The following EBF2 variants were observed in gnomAD, a reference collection of about 807,000 sequenced individuals.
EBF2 encodes the protein EBF transcription factor 2, also known as transcription factor COE2.
A neutral mutation model predicts 72.8 loss-of-function variants in EBF2; 21 were observed. The observed-to-expected ratio is 0.29, with a 90% CI of 0.20 to 0.42. EBF2 has a LOEUF of 0.42. EBF2 is among the 10% of genes least tolerant of loss of function. The pLI is 1.00. For missense variants in EBF2, 637 were observed against 731.2 expected (o/e 0.87, Z 1.49); for synonymous variants, 299 against 274.2 (o/e 1.09, Z -0.89).
At chr8:25,855,089 C>G (rs1166703523) in intron 14 of EBF2, among the ~76,000 whole-genome samples, 2 of 152,208 alleles carry the variant, frequency 1.3e-5, no homozygotes, top group Admixed American at 1.3e-4. Flanking sequence ...ACATCTATCT[C>G]TCTATGGATA....
chr8:26,014,359 T>G (rs974191786), intron 6 of EBF2, among the ~76,000 whole-genome samples: 5 of 147,360 alleles, frequency 3.4e-5, no homozygotes, highest in South Asian at 2.1e-4. Flanking sequence ...ACTTTTATTA[T>G]TAGTAGTAGT....
At chr8:25,886,443 ACTGT>A (rs1452852129) in intron 10 of EBF2, among the ~76,000 whole-genome samples, 3 of 152,236 alleles carry the variant, frequency 2.0e-5, no homozygotes, top group African/African-American at 7.2e-5. Flanking sequence ...ACAGCCAATA[ACTGT>A]CTATTTTTTA....
rs58044762 is a variant in EBF2 at position 25,866,443 on chromosome 8, A to AATAT, written c.1010-3650_1010-3647dup. Among the ~76,000 whole-genome samples, 12 of 140,120 alleles carry AATAT rather than the reference A, an allele frequency of 8.6e-5. No homozygotes were observed. In the East Asian group the frequency reaches 1.2e-3, roughly 14 times the overall value. 91.9% of individuals were successfully genotyped at this position (140,120 alleles called of 152,430 possible). ...GGCCAGATTTTTTATTTATATATATAATATATATATATATATAATATATAG... is the reference window on the plus strand; with the variant it reads ...GGCCAGATTTTTTATTTATATATATAATATATATATATATATATATAATATATAG... On this transcript the variant is annotated intron_variant, in intron 10 of 15. Transcript: ENST00000520164.
rs2046457 is a variant in EBF2 at position 25,952,585 on chromosome 8, G to A, written c.552-44030C>T. On this transcript the variant is annotated intron_variant, in intron 6 of 15. Coordinates refer to ENST00000520164, the MANE Select transcript of EBF2 (RefSeq NM_022659.4). ...GCTATTACAAATCACTTCACCTTCTGGCTCATGCCCAACCTGCCCTGCTCA... is the reference window on the plus strand; with the variant it reads ...GCTATTACAAATCACTTCACCTTCTAGCTCATGCCCAACCTGCCCTGCTCA... 4.0e-3 allele frequency among the ~76,000 whole-genome samples: 615 copies of A among 152,096 alleles called. 4 individuals carry two copies. Among genetic ancestry groups the A allele is most frequent in the African/African-American group, 0.014 (595 of 41,470 alleles).
At chr8:25,924,198 A>G (rs1359151678) in intron 6 of EBF2, among the ~76,000 whole-genome samples, 1 of 152,222 alleles carries the variant, frequency 6.6e-6, no homozygotes, top group East Asian at 1.9e-4. Flanking sequence ...AAAATTGGGT[A>G]ATGCCTCTGA....
chr8:25,931,153 C>G (rs1018061354), intron 6 of EBF2, among the ~76,000 whole-genome samples: 11 of 152,132 alleles, frequency 7.2e-5, no homozygotes, highest in African/African-American at 2.7e-4. Flanking sequence ...GAACACTGGA[C>G]TGAAGGGGCA....
At chr8:25,983,195 C>A (rs1804391720) in intron 6 of EBF2, among the ~76,000 whole-genome samples, 1 of 152,056 alleles carries the variant, frequency 6.6e-6, no homozygotes, top group Non-Finnish European at 1.5e-5. Context: ...TATCTACCCA[C>A]CCAATGGAAT....
intron 6 of EBF2, among the ~76,000 whole-genome samples, chr8:25,986,241 A>G (rs775503732): frequency 6.6e-6 from 1 of 151,934 alleles, no homozygotes; most frequent in African/African-American, 2.4e-5. Flanking sequence ...AATAGCCCCC[A>G]CCTAGAATGC....
intron 6 of EBF2, among the ~76,000 whole-genome samples, chr8:25,986,271 T>C (rs1804455905): frequency 6.6e-6 from 1 of 152,130 alleles, no homozygotes; most frequent in Admixed American, 6.5e-5. Flanking sequence ...GCTTAAATTC[T>C]ACCATATTCA....
intron 6 of EBF2, among the ~76,000 whole-genome samples, chr8:26,021,903 C>A (rs777086215): frequency 6.6e-6 from 1 of 152,176 alleles, no homozygotes; most frequent in Non-Finnish European, 1.5e-5. Context: ...CACTTTGAGT[C>A]CTCAGCTCAT....
chr8:25,956,208 C>G (rs1037243138), intron 6 of EBF2, among the ~76,000 whole-genome samples: 53 of 152,094 alleles, frequency 3.5e-4, no homozygotes, highest in African/African-American at 1.2e-3. Flanking sequence ...CACCTGAGGT[C>G]GGGAGTTCGA....
At chr8:25,893,954 A>G (rs1802825508) in intron 7 of EBF2, among the ~76,000 whole-genome samples, 2 of 152,200 alleles carry the variant, frequency 1.3e-5, no homozygotes, top group South Asian at 2.1e-4. Flanking sequence ...GAATTATGTC[A>G]GTGTCCATAA....
At chr8:25,914,556 T>C (rs1402382932) in intron 6 of EBF2, among the ~76,000 whole-genome samples, 5 of 152,220 alleles carry the variant, frequency 3.3e-5, no homozygotes, top group Admixed American at 3.3e-4. Context: ...AAGCTCCCAA[T>C]GGGCTCTTGT....
intron 7 of EBF2, among the ~76,000 whole-genome samples, chr8:25,900,105 C>A (rs1360170703): frequency 6.6e-6 from 1 of 152,176 alleles, no homozygotes; most frequent in East Asian, 1.9e-4. Context: ...CTGGAACCAA[C>A]TCAGCACTGA....
intron 6 of EBF2, among the ~76,000 whole-genome samples, chr8:25,917,372 G>A (rs1340932006): frequency 6.6e-6 from 1 of 151,890 alleles, no homozygotes. Flanking sequence ...GAACTCTTTG[G>A]GCTTGAATTG....
intron 6 of EBF2, among the ~76,000 whole-genome samples, chr8:25,921,833 A>G (rs1447267722): frequency 6.6e-6 from 1 of 152,196 alleles, no homozygotes. Context: ...GAAACGTCTC[A>G]TGGGAGAACC....
intron 8 of EBF2, among the ~76,000 whole-genome samples, chr8:25,888,193 A>G (rs965757495): frequency 6.6e-6 from 1 of 152,214 alleles, no homozygotes; most frequent in Admixed American, 6.5e-5. Context: ...CTTGCCTTCA[A>G]AGGATTGGAC....
At chr8:25,954,328 A>G (rs901817779) in intron 6 of EBF2, among the ~76,000 whole-genome samples, 2 of 152,104 alleles carry the variant, frequency 1.3e-5, no homozygotes, top group African/African-American at 4.8e-5. Flanking sequence ...CTGCTGCTAA[A>G]TGCACCACCT....
chr8:26,018,928 C>CAAGAA (rs1353760855), intron 6 of EBF2, among the ~76,000 whole-genome samples: 1 of 47,428 alleles, frequency 2.1e-5, no homozygotes, highest in Non-Finnish European at 4.7e-5. Flanking sequence ...GGATCCATGG[C>CAAGAA]AATAAAAAAA....
Sources: gnomAD v4.1 joint callset for allele counts (sites outside exome capture counted in the v4.1 genomes callset) on GRCh38, gnomAD v4.1.1 for gene constraint, MANE v1.5 for transcripts, NCBI Gene and HGNC (gene_info 2026-07-23, HGNC 2026-07-21) for gene names.